Variants in SPMIP2 observed in about 807,000 individuals in gnomAD.
SPMIP2 encodes protein SPMIP2.
At chr4:158,925,665 T>G in the SPMIP2 span, among the ~76,000 whole-genome samples, 2 of 152,216 alleles carry the variant, frequency 1.3e-5, no homozygotes, top group Non-Finnish European at 2.9e-5. Context: ...CTGCCACTGA[T>G]CTGACAGGAG....
the SPMIP2 span, among the ~76,000 whole-genome samples, chr4:159,058,589 A>C: frequency 6.6e-6 from 1 of 152,188 alleles, no homozygotes; most frequent in African/African-American, 2.4e-5. Flanking sequence ...CTCTACCTAA[A>C]GGCAAATAAA....
chr4:159,062,471 G>C, the SPMIP2 span, among the ~76,000 whole-genome samples: 1 of 152,126 alleles, frequency 6.6e-6, no homozygotes, highest in South Asian at 2.1e-4. Flanking sequence ...AAGATTAACT[G>C]AGACTTGAAC....
chr4:159,025,876 GT>G, the SPMIP2 span, among the ~76,000 whole-genome samples: 4 of 152,190 alleles, frequency 2.6e-5, no homozygotes, highest in Non-Finnish European at 5.9e-5. Context: ...TAAGTTTACA[GT>G]TTTTGCTTCT....
At chr4:159,011,326 ATAGAG>A in the SPMIP2 span, among the ~76,000 whole-genome samples, 700 of 152,360 alleles carry the variant, frequency 4.6e-3, 4 homozygotes, top group Middle Eastern at 0.031. Context: ...AAAGAATAGT[ATAGAG>A]TAATTAAAAG....
At chr4:158,959,226 T>C in the SPMIP2 span, among the ~76,000 whole-genome samples, 1 of 152,238 alleles carries the variant, frequency 6.6e-6, no homozygotes, top group Non-Finnish European at 1.5e-5. Flanking sequence ...CAATGCTTGT[T>C]GAAGTTTTAT....
At chr4:159,073,053 T>C in the SPMIP2 span, among the ~76,000 whole-genome samples, 60 of 152,380 alleles carry the variant, frequency 3.9e-4, 1 homozygote, top group Admixed American at 2.5e-3. Context: ...TAATCCCATT[T>C]GTCTTTTGTG....
At chr4:158,912,988 G>A in the SPMIP2 span, among the ~76,000 whole-genome samples, 2 of 152,112 alleles carry the variant, frequency 1.3e-5, no homozygotes, top group African/African-American at 2.4e-5. Context: ...ACAAAAACAC[G>A]TAACCTGAAC....
chr4:159,051,230 G>A, the SPMIP2 span, among the ~76,000 whole-genome samples: 2 of 152,132 alleles, frequency 1.3e-5, no homozygotes, highest in Non-Finnish European at 2.9e-5. Flanking sequence ...GGTAAATGTG[G>A]TTTGAATTAT....
chr4:159,055,618 G>C, the SPMIP2 span, among the ~76,000 whole-genome samples: 1 of 152,246 alleles, frequency 6.6e-6, no homozygotes, highest in Non-Finnish European at 1.5e-5. Context: ...GCTGAGGCTG[G>C]AGGATCACTT....
the SPMIP2 span, among the ~76,000 whole-genome samples, chr4:159,041,874 C>T: frequency 6.6e-6 from 1 of 152,180 alleles, no homozygotes; most frequent in Non-Finnish European, 1.5e-5. Flanking sequence ...GAATTATTAC[C>T]CTGATTCACG....
At chr4:159,037,829 T>C in the SPMIP2 span, among the ~76,000 whole-genome samples, 11,562 of 117,868 alleles carry the variant, frequency 0.098, 459 homozygotes, top group East Asian at 0.15. Flanking sequence ...CACACACACA[T>C]ATATATATGT....
chr4:158,932,003 GTCTGA>G, the SPMIP2 span, among the ~76,000 whole-genome samples: 16 of 151,846 alleles, frequency 1.1e-4, no homozygotes, highest in Non-Finnish European at 2.4e-4. Context: ...TAAAGTCTTT[GTCTGA>G]GCCGAGCATG....
At chr4:158,962,875 A>T in the SPMIP2 span, among the ~76,000 whole-genome samples, 1 of 152,206 alleles carries the variant, frequency 6.6e-6, no homozygotes, top group Non-Finnish European at 1.5e-5. Context: ...AGGAAAAAAA[A>T]AGTTCAGTGC....
At chr4:158,981,540 G>A in the SPMIP2 span, among the ~76,000 whole-genome samples, 1 of 152,100 alleles carries the variant, frequency 6.6e-6, no homozygotes, top group East Asian at 1.9e-4. Flanking sequence ...GAAGAGAATA[G>A]GGGCCAATAT....
At chr4:158,973,305 T>C in the SPMIP2 span, 4 of 1,595,108 alleles carry the variant, frequency 2.5e-6, no homozygotes, top group Non-Finnish European at 3.4e-6. Flanking sequence ...CTTTATGTAG[T>C]CTGGACCTTT....
chr4:158,996,182 C>T, the SPMIP2 span, among the ~76,000 whole-genome samples: 1 of 152,170 alleles, frequency 6.6e-6, no homozygotes, highest in African/African-American at 2.4e-5. Flanking sequence ...ATATAAAATT[C>T]TGTAGTTTTC....
chr4:158,968,312 A>T, the SPMIP2 span, among the ~76,000 whole-genome samples: 1 of 152,246 alleles, frequency 6.6e-6, no homozygotes, highest in Non-Finnish European at 1.5e-5. Context: ...TACAGGCATG[A>T]GCCACCATGT....
the SPMIP2 span, among the ~76,000 whole-genome samples, chr4:159,071,061 T>A: frequency 1.3e-5 from 2 of 152,208 alleles, no homozygotes; most frequent in African/African-American, 4.8e-5. Flanking sequence ...GAAACATCTT[T>A]GTCTCTGGAT....
the SPMIP2 span, among the ~76,000 whole-genome samples, chr4:159,062,697 G>GTCTCTCTCTCTC: frequency 3.8e-3 from 363 of 95,138 alleles, 39 homozygotes; most frequent in Middle Eastern, 0.037. Flanking sequence ...TTGAAACAGG[G>GTCTCTCTCTCTC]TCTCTCTCTC....
Sources: allele counts gnomAD v4.1 joint callset (sites outside exome capture counted in the v4.1 genomes callset), GRCh38; gene constraint gnomAD v4.1.1; transcripts MANE v1.5; gene names NCBI Gene and HGNC (gene_info 2026-07-23, HGNC 2026-07-21).